The following NEDD4L variants were observed in gnomAD, a reference collection of about 807,000 sequenced individuals.
NEDD4L encodes the protein NEDD4 like E3 ubiquitin protein ligase, also known as E3 ubiquitin-protein ligase NEDD4-like.
Under a neutral mutation model 148.9 loss-of-function variants are expected in NEDD4L, and 54 were observed. The observed-to-expected ratio is 0.36, with a 90% CI of 0.29 to 0.45. NEDD4L has a LOEUF of 0.45. Among genes scored for constraint, NEDD4L ranks in the 20% least tolerant of loss-of-function variants. The pLI, the probability that NEDD4L is intolerant of heterozygous loss-of-function variation, is 1.00. For missense variants in NEDD4L, 856 were observed against 1,233.8 expected (o/e 0.69, Z 4.59); for synonymous variants, 433 against 440.7 (o/e 0.98, Z 0.22).
chr18:58,149,555 A>T, intron 1 of NEDD4L: 1 of 1,547,822 alleles, frequency 6.5e-7, no homozygotes. Context: ...CTCGCATTTG[A>T]GCAGGTAACA....
At chr18:58,212,477 A>G (rs1206964738) in intron 2 of NEDD4L, among the ~76,000 whole-genome samples, 1 of 119,722 alleles carries the variant, frequency 8.4e-6, no homozygotes, top group East Asian at 2.7e-4. Flanking sequence ...CCATCAGATC[A>G]CATGAGATGT....
intron 2 of NEDD4L, among the ~76,000 whole-genome samples, chr18:58,177,507 G>T (rs2038316611): frequency 6.6e-6 from 1 of 152,172 alleles, no homozygotes; most frequent in South Asian, 2.1e-4. Flanking sequence ...AGGAGGAAGG[G>T]ACTCGTTTCT....
At chr18:58,309,534 C>T (rs1318068380) in intron 5 of NEDD4L, among the ~76,000 whole-genome samples, 4 of 152,058 alleles carry the variant, frequency 2.6e-5, no homozygotes, top group Admixed American at 2.0e-4. Flanking sequence ...GGGAGAGATG[C>T]CTCCTGCCTG....
intron 5 of NEDD4L, among the ~76,000 whole-genome samples, chr18:58,279,119 C>A (rs571722050): frequency 6.6e-6 from 1 of 152,016 alleles, no homozygotes; most frequent in Non-Finnish European, 1.5e-5. Context: ...TCAAGTGATC[C>A]GCCCACCTTG....
rs1477724192 is a variant in NEDD4L at position 58,195,337 on chromosome 18, T to C, written c.122+29476T>C. The C allele has an allele frequency of 7.9e-6, 8 of 1,007,112 alleles. No individual in the cohort carries two copies. In the African/African-American group the frequency reaches 1.4e-4, roughly 17 times the overall value. 62.4% of individuals were successfully genotyped at this position (1,007,112 alleles called of 1,614,324 possible). ...GTTTGAATTGCTTTTTTGTGTCTCT[T>C]GAATACACGAAGTTCCTCCTATAGT... On this transcript the variant is annotated intron_variant, in intron 2 of 30. Coordinates refer to ENST00000400345, the MANE Select transcript of NEDD4L (RefSeq NM_001144967.3).
At chr18:58,290,548 G>A (rs1165291758) in intron 5 of NEDD4L, among the ~76,000 whole-genome samples, 1 of 152,150 alleles carries the variant, frequency 6.6e-6, no homozygotes, top group African/African-American at 2.4e-5. Flanking sequence ...ATAGGTAGGC[G>A]ATCCCTTATC....
chr18:58,097,050 C>A (rs1227821220), intron 1 of NEDD4L, among the ~76,000 whole-genome samples: 1 of 152,100 alleles, frequency 6.6e-6, no homozygotes, highest in East Asian at 1.9e-4. Context: ...AATTTCACAT[C>A]AAACTGTGGC....
At chr18:58,293,685 G>A (rs554068432) in intron 5 of NEDD4L, among the ~76,000 whole-genome samples, 3 of 152,246 alleles carry the variant, frequency 2.0e-5, no homozygotes, top group African/African-American at 7.2e-5. Context: ...ATATAATAAT[G>A]GGTTCTCATG....
intron 1 of NEDD4L, among the ~76,000 whole-genome samples, chr18:58,101,877 T>C (rs1171498557): frequency 6.6e-6 from 1 of 152,080 alleles, no homozygotes; most frequent in Non-Finnish European, 1.5e-5. Flanking sequence ...GGAAAGTGGG[T>C]GAATTATTCA....
intron 1 of NEDD4L, among the ~76,000 whole-genome samples, chr18:58,125,318 G>T (rs1355327615): frequency 2.0e-5 from 3 of 151,966 alleles, no homozygotes. Context: ...CTAAGCCTGG[G>T]CTCTTAACTG....
chr18:58,085,178 T>C (rs1002352492), intron 1 of NEDD4L, among the ~76,000 whole-genome samples: 1 of 152,196 alleles, frequency 6.6e-6, no homozygotes, highest in Non-Finnish European at 1.5e-5. Flanking sequence ...CAATGTGAAT[T>C]CTGGGGGAAC....
At chr18:58,350,697 C>T (rs1046316494) in intron 17 of NEDD4L, among the ~76,000 whole-genome samples, 2 of 152,226 alleles carry the variant, frequency 1.3e-5, no homozygotes, top group African/African-American at 2.4e-5. Context: ...CAACTTCAAA[C>T]TCCACTGTTC....
chr18:58,269,877 A>G (rs12608075), intron 5 of NEDD4L, among the ~76,000 whole-genome samples: 38,383 of 149,976 alleles, frequency 0.26, 5,742 homozygotes, highest in African/African-American at 0.39. Context: ...GAGGTCCACA[A>G]AATAAACTTG....
chr18:58,295,547 A>T (rs572277924), intron 5 of NEDD4L, among the ~76,000 whole-genome samples: 1 of 152,348 alleles, frequency 6.6e-6, no homozygotes, highest in African/African-American at 2.4e-5. Flanking sequence ...TTTGGCAATT[A>T]TGAATAAAGC....
At chr18:58,234,503 A>T (rs2045770720) in intron 2 of NEDD4L, among the ~76,000 whole-genome samples, 1 of 146,584 alleles carries the variant, frequency 6.8e-6, no homozygotes. Flanking sequence ...GGCTAAGTTT[A>T]AAAAAAAAAA....
chr18:58,068,105 A>G (rs947438056), intron 1 of NEDD4L, among the ~76,000 whole-genome samples: 1 of 151,252 alleles, frequency 6.6e-6, no homozygotes, highest in Non-Finnish European at 1.5e-5. Flanking sequence ...GACTACAGAC[A>G]TGTGCCACTA....
chr18:58,201,274 A>G (rs7234313), intron 2 of NEDD4L, among the ~76,000 whole-genome samples: 2 of 152,104 alleles, frequency 1.3e-5, no homozygotes, highest in Admixed American at 1.3e-4. Flanking sequence ...CAGAGGTTGC[A>G]GTGAGCCGAG....
At chr18:58,279,933 T>C (rs754511974) in intron 5 of NEDD4L, among the ~76,000 whole-genome samples, 5 of 152,198 alleles carry the variant, frequency 3.3e-5, no homozygotes, top group Non-Finnish European at 7.3e-5. Context: ...CTGATTTTTG[T>C]GGTTCCTGCT....
chr18:58,307,459 T>C (rs1451528608), intron 5 of NEDD4L, among the ~76,000 whole-genome samples: 1 of 152,224 alleles, frequency 6.6e-6, no homozygotes, highest in African/African-American at 2.4e-5. Flanking sequence ...CTGCAGCAGA[T>C]CTAACTAGAA....
Sources: allele counts gnomAD v4.1 joint callset (sites outside exome capture counted in the v4.1 genomes callset), GRCh38; gene constraint gnomAD v4.1.1; transcripts MANE v1.5; gene names NCBI Gene and HGNC (gene_info 2026-07-23, HGNC 2026-07-21).